CAPN8: variants seen among roughly 807,000 people sequenced by gnomAD.
The protein encoded by CAPN8 is calpain-8.
A neutral mutation model predicts 80.9 loss-of-function variants in CAPN8; 87 were observed. The ratio of observed to expected loss-of-function variants is 1.07; its 90% CI spans 0.90 to 1.28. The LOEUF is 1.28. Among genes scored for constraint, CAPN8 ranks in the 50% most tolerant of loss-of-function variants. The probability of loss-of-function intolerance (pLI) is 0.00; values close to 1 mark genes in which losing one functional copy is unlikely to be tolerated. For missense variants in CAPN8, 757 were observed against 702.0 expected, an observed-to-expected ratio of 1.08 and a Z score of -0.89; for synonymous variants, 299 against 273.8, an observed-to-expected ratio of 1.09 and a Z score of -0.91.
At chr1:223,555,971 C>G (rs1212107505) in intron 13 of CAPN8, among the ~76,000 whole-genome samples, 1 of 152,144 alleles carries the variant, frequency 6.6e-6, no homozygotes, top group Non-Finnish European at 1.5e-5. Context: ...TTTCTATTTC[C>G]CTGATACAAT....
chr1:223,643,945 T>C (rs1279260260), intron 2 of CAPN8, among the ~76,000 whole-genome samples: 1 of 152,118 alleles, frequency 6.6e-6, no homozygotes, highest in African/African-American at 2.4e-5. Flanking sequence ...CTGATTTCCT[T>C]TTAAAAAAAA....
At chr1:223,655,697 G>A (rs1224871057) in intron 1 of CAPN8, among the ~76,000 whole-genome samples, 4 of 152,122 alleles carry the variant, frequency 2.6e-5, no homozygotes, top group African/African-American at 7.2e-5. Flanking sequence ...GCCCAACAGG[G>A]ATGATGGCTG....
At chr1:223,626,025 C>T (rs1657565726) in intron 5 of CAPN8, 137 bp from the exon 6 acceptor site, 1 of 646,154 alleles carries the variant, frequency 1.5e-6, no homozygotes, top group Non-Finnish European at 2.8e-6. Flanking sequence ...GGCTATGAAC[C>T]TCAGGTAAAG....
chr1:223,650,079 G>C (rs1658305437), intron 2 of CAPN8, among the ~76,000 whole-genome samples: 1 of 152,206 alleles, frequency 6.6e-6, no homozygotes, highest in Non-Finnish European at 1.5e-5. Context: ...ATTAGGCACT[G>C]CTAGTGGTAG....
intron 2 of CAPN8, among the ~76,000 whole-genome samples, chr1:223,647,441 A>G (rs1383532632): frequency 1.3e-5 from 2 of 152,236 alleles, no homozygotes; most frequent in African/African-American, 4.8e-5. Flanking sequence ...TTTCACATGT[A>G]AAATGTAGAT....
intron 6 of CAPN8, among the ~76,000 whole-genome samples, chr1:223,623,481 C>G (rs1657466058): frequency 6.6e-6 from 1 of 152,146 alleles, no homozygotes; most frequent in African/African-American, 2.4e-5. Context: ...CTCCAAAGCC[C>G]ATACTCCTAA....
At position 223,609,163 on chromosome 1, in the gene CAPN8, CCTT is replaced by C; in HGVS notation, c.1522_1524del (p.Lys508del). ...GGGAAGGAGACGCACAGGGCCTGGGCCTTCTTCTCTGAGAACACTCTCAAGCAG... is the reference window on the plus strand; with the variant it reads ...GGGAAGGAGACGCACAGGGCCTGGGCCTTCTCTGAGAACACTCTCAAGCAG... On this transcript the variant is annotated inframe_deletion, in exon 12 of 21. Transcript: ENST00000366872. The C allele has an allele frequency of 2.5e-6, 1 of 398,400 alleles. No homozygotes were observed. The highest frequency in any genetic ancestry group is 4.4e-6 in the Non-Finnish European group (1 of 226,064). 24.7% of individuals were successfully genotyped at this position (398,400 alleles called of 1,614,324 possible).
Position 223,665,606 on chromosome 1 carries a change from G to T in CAPN8, c.41C>A (p.Ala14Asp). The stretch of plus-strand genomic sequence containing the variant: ...TTGGTTGGAGCCAAGACCTTGAGTG[G>T]CTGCCCGCTGCCTAGATACACCAGC... The part of the protein sequence containing the change: ...QAAGVSRQRA[A>D]TQGLGSNQNA... The change falls in exon 1 of 21, where the codon GCC becomes GAC. Residue 14 changes from alanine (A) to aspartate (D), a missense_variant. By Grantham distance (126) the Ala-to-Asp change is moderately radical (BLOSUM62 -2). Transcript: ENST00000366872. 6.4e-7 allele frequency: 1 copy of T among 1,551,648 alleles called. No homozygotes were observed. Among genetic ancestry groups the T allele is most frequent in the South Asian group, 1.2e-5 (1 of 84,046 alleles).
chr1:223,654,346 A>C lies in CAPN8; in HGVS notation c.291T>G (p.Ile97Met). 1 of 1,551,662 alleles carries C rather than the reference A, an allele frequency of 6.4e-7. No individual in the cohort carries two copies. Among genetic ancestry groups the C allele is most frequent in the Non-Finnish European group, 8.7e-7 (1 of 1,146,970 alleles). The change falls in exon 2 of 21, where the codon ATT (isoleucine) becomes ATG (methionine). Residue 97 changes from isoleucine to methionine, a missense_variant. Ile to Met is a conservative substitution (Grantham distance 10). Coordinates refer to ENST00000366872, the MANE Select transcript of CAPN8 (RefSeq NM_001143962.2). ...FIVGGATRTD[I>M]CQGGLGDCWL... ...GTTACTCACCTAGACCACCCTGACA[A>C]ATGTCTGTGCGCGTGGCTCCACCAA...
Position 223,552,694 on chromosome 1 carries a change from T to C in CAPN8, c.1641+1138A>G, listed in dbSNP as rs891677429. Among the ~76,000 whole-genome samples the C allele has an allele frequency of 9.9e-5, 15 of 152,142 alleles. No individual in the cohort carries two copies. The East Asian group carries it at 2.7e-3, about 27-fold the overall frequency. ...ATTTGGACCTTGACCCCGTCGTTCATGAGGCCTTGTACCCTCAGCCAGCTC... is the reference window on the plus strand; with the variant it reads ...ATTTGGACCTTGACCCCGTCGTTCACGAGGCCTTGTACCCTCAGCCAGCTC... On this transcript the variant is annotated intron_variant, in intron 14 of 20. Transcript: ENST00000366872.
intron 13 of CAPN8, among the ~76,000 whole-genome samples, chr1:223,557,845 ACAGCTTAGG>A (rs1472376250): frequency 1.3e-5 from 2 of 152,166 alleles, no homozygotes; most frequent in Non-Finnish European, 2.9e-5. Context: ...CTCGCACAGG[ACAGCTTAGG>A]CACAGTGGGT....
chr1:223,634,534 T>G (rs1048397013), intron 2 of CAPN8, among the ~76,000 whole-genome samples: 1 of 152,200 alleles, frequency 6.6e-6, no homozygotes, highest in Non-Finnish European at 1.5e-5. Flanking sequence ...TTTTAGTCCA[T>G]TCGTGCTGCT....
At chr1:223,558,646 T>A (rs1279682157) in intron 12 of CAPN8, among the ~76,000 whole-genome samples, 2 of 151,934 alleles carry the variant, frequency 1.3e-5, no homozygotes, top group African/African-American at 2.4e-5. Context: ...GTATGTGGTA[T>A]GAGTGTGTGC....
intron 11 of CAPN8, among the ~76,000 whole-genome samples, chr1:223,611,215 G>C (rs1394790149): frequency 6.6e-6 from 1 of 152,158 alleles, no homozygotes; most frequent in Non-Finnish European, 1.5e-5. Flanking sequence ...TAATGAGGTA[G>C]GAGGTAGGAC....
chr1:223,551,088 A>T, intron 14 of CAPN8, 71 bp from the exon 15 acceptor site: 1 of 702,336 alleles, frequency 1.4e-6, no homozygotes, highest in Non-Finnish European at 2.6e-6. Context: ...AAATTAATGC[A>T]GTGCTTCCTC....
At chr1:223,622,690 T>C (rs1657436125) in intron 7 of CAPN8, 125 bp downstream of exon 7, 1 of 744,038 alleles carries the variant, frequency 1.3e-6, no homozygotes. Flanking sequence ...CTGAACACAC[T>C]GTGTGATCTG....
intron 6 of CAPN8, among the ~76,000 whole-genome samples, chr1:223,623,171 T>A (rs1325434470): frequency 1.3e-5 from 2 of 152,238 alleles, no homozygotes; most frequent in Non-Finnish European, 2.9e-5. Context: ...CAGATTTAGA[T>A]TTTATAGTTG....
Position 223,615,954 on chromosome 1 carries a change from C to G in CAPN8, c.1311+16G>C. On this transcript the variant is annotated intron_variant, in intron 10 of 20. Coordinates refer to ENST00000366872, the MANE Select transcript of CAPN8 (RefSeq NM_001143962.2). ...CATCAAGTGTATAATGAAGGACAAACCCAGCACAGCAGTACCTGGTAGACG... is the reference window on the plus strand; with the variant it reads ...CATCAAGTGTATAATGAAGGACAAAGCCAGCACAGCAGTACCTGGTAGACG... The G allele has an allele frequency of 3.2e-6, 5 of 1,552,110 alleles. No homozygotes were observed. Among genetic ancestry groups the G allele is most frequent in the Non-Finnish European group, 4.4e-6 (5 of 1,147,066 alleles).
At chr1:223,664,421 T>A (rs1189929893) in intron 1 of CAPN8, among the ~76,000 whole-genome samples, 1 of 152,234 alleles carries the variant, frequency 6.6e-6, no homozygotes, top group African/African-American at 2.4e-5. Flanking sequence ...AACTACGTAT[T>A]CTGCATCTAT....
Sources: gnomAD v4.1 joint callset for allele counts (sites outside exome capture counted in the v4.1 genomes callset) on GRCh38, gnomAD v4.1.1 for gene constraint, MANE v1.5 for transcripts, NCBI Gene and HGNC (gene_info 2026-07-23, HGNC 2026-07-21) for gene names.